The following CADM2 variants were observed in gnomAD, a reference collection of about 807,000 sequenced individuals.
The protein encoded by CADM2 is immunoglobulin superfamily member 4D.
CADM2 carries 12 observed loss-of-function variants against 49.8 expected under a neutral mutation model. That is an observed-to-expected ratio of 0.24 (90% CI 0.15 to 0.39). The LOEUF is 0.39. Ranked by LOEUF, CADM2 falls within the 10% of genes least tolerant of loss-of-function variation. The pLI is 1.00. For missense variants in CADM2, 378 were observed against 492.3 expected, an observed-to-expected ratio of 0.77 and a Z score of 2.20; for synonymous variants, 214 against 175.4, an observed-to-expected ratio of 1.22 and a Z score of -1.74.
At chr3:85,072,294 C>T (rs2036779112) in intron 1 of CADM2, among the ~76,000 whole-genome samples, 1 of 151,900 alleles carries the variant, frequency 6.6e-6, no homozygotes, top group Admixed American at 6.6e-5. Context: ...TGTTTTGTGT[C>T]CTTTGGTTTG....
intron 1 of CADM2, among the ~76,000 whole-genome samples, chr3:85,315,361 T>C (rs941204950): frequency 5.9e-5 from 9 of 152,180 alleles, no homozygotes; most frequent in Non-Finnish European, 8.8e-5. Flanking sequence ...CTAAATAAGG[T>C]CATATTCTTA....
chr3:85,718,887 TA>T (rs2067396804), intron 1 of CADM2, among the ~76,000 whole-genome samples: 1 of 65,320 alleles, frequency 1.5e-5, no homozygotes, highest in Middle Eastern at 7.6e-3. Context: ...GGTATTTTAT[TA>T]TTATTATTAT....
At chr3:85,458,874 G>T (rs894864160) in intron 1 of CADM2, among the ~76,000 whole-genome samples, 6 of 152,282 alleles carry the variant, frequency 3.9e-5, no homozygotes, top group Admixed American at 6.5e-5. Context: ...GTATTAAAAG[G>T]AAGGCAATCT....
chr3:86,021,231 C>T (rs1423990849), intron 8 of CADM2, among the ~76,000 whole-genome samples: 1 of 152,130 alleles, frequency 6.6e-6, no homozygotes, highest in African/African-American at 2.4e-5. Flanking sequence ...AACTCCTGAC[C>T]TCAAGTGATT....
intron 8 of CADM2, among the ~76,000 whole-genome samples, chr3:86,065,399 A>G (rs1739188667): frequency 6.6e-6 from 1 of 152,230 alleles, no homozygotes; most frequent in Non-Finnish European, 1.5e-5. Context: ...TGTAAGCTCA[A>G]TGGCAATAGT....
At chr3:85,527,781 C>A (rs1459119526) in intron 1 of CADM2, among the ~76,000 whole-genome samples, 3 of 152,172 alleles carry the variant, frequency 2.0e-5, no homozygotes, top group Non-Finnish European at 4.4e-5. Context: ...CTCTTAAAAT[C>A]ACATCCTGCT....
intron 3 of CADM2, among the ~76,000 whole-genome samples, chr3:85,842,052 T>A (rs1307556995): frequency 6.6e-5 from 10 of 152,130 alleles, no homozygotes; most frequent in Non-Finnish European, 1.0e-4. Flanking sequence ...TTTAAAAAAA[T>A]TATTTGCTTT....
intron 1 of CADM2, among the ~76,000 whole-genome samples, chr3:85,572,882 C>T (rs753218957): frequency 5.3e-5 from 8 of 152,156 alleles, no homozygotes; most frequent in Non-Finnish European, 8.8e-5. Context: ...ACCTTTATCT[C>T]CTCTGGAAAC....
Position 85,262,082 on chromosome 3 carries a change from G to A in CADM2, c.61+302414G>A, listed in dbSNP as rs147579283. 8.9e-3 allele frequency among the ~76,000 whole-genome samples: 1,351 copies of A among 152,036 alleles called. 18 individuals are homozygous for A. Among genetic ancestry groups the A allele is most frequent in the East Asian group, 0.081 (420 of 5,160 alleles). ...GGTAACTTAAGGAACTTCTGAAAAT[G>A]TTATGTCCAAAATGTCTGCAATTAT... On this transcript the variant is annotated intron_variant, in intron 1 of 9. Coordinates refer to ENST00000383699, the MANE Select transcript of CADM2 (RefSeq NM_001167675.2).
intron 2 of CADM2, among the ~76,000 whole-genome samples, chr3:85,760,444 A>T (rs899429673): frequency 4.6e-5 from 7 of 152,074 alleles, no homozygotes; most frequent in African/African-American, 1.7e-4. Flanking sequence ...TTGGACTTAC[A>T]TGTAAAGGAA....
intron 1 of CADM2, among the ~76,000 whole-genome samples, chr3:85,713,505 A>G (rs2067187075): frequency 6.6e-6 from 1 of 152,148 alleles, no homozygotes; most frequent in Admixed American, 6.5e-5. Flanking sequence ...ATATAGAAAC[A>G]TGAAATAGAA....
chr3:85,455,558 G>A (rs904481083), intron 1 of CADM2, among the ~76,000 whole-genome samples: 18 of 152,150 alleles, frequency 1.2e-4, no homozygotes, highest in African/African-American at 3.6e-4. Context: ...AAAAATATGC[G>A]AAGAAAGACT....
At chr3:85,459,612 T>A (rs1400525330) in intron 1 of CADM2, among the ~76,000 whole-genome samples, 1 of 152,260 alleles carries the variant, frequency 6.6e-6, no homozygotes, top group Non-Finnish European at 1.5e-5. Flanking sequence ...TTAAGACTAT[T>A]AGATTCAATA....
intron 1 of CADM2, among the ~76,000 whole-genome samples, chr3:85,390,006 C>T (rs1483923607): frequency 6.6e-6 from 1 of 151,818 alleles, no homozygotes; most frequent in Non-Finnish European, 1.5e-5. Flanking sequence ...CATGAAGCCA[C>T]AATCGGCATA....
intron 1 of CADM2, among the ~76,000 whole-genome samples, chr3:85,148,733 T>A (rs2039827642): frequency 6.6e-6 from 1 of 152,200 alleles, no homozygotes; most frequent in Admixed American, 6.5e-5. Flanking sequence ...TATTATATAA[T>A]GTATTCTCAC....
intron 8 of CADM2, among the ~76,000 whole-genome samples, chr3:86,024,666 C>A (rs1325774512): frequency 1.3e-5 from 2 of 152,042 alleles, no homozygotes; most frequent in African/African-American, 4.8e-5. Flanking sequence ...CAGATACCAG[C>A]AAAACTTTTA....
intron 2 of CADM2, among the ~76,000 whole-genome samples, chr3:85,789,765 C>A (rs1388479853): frequency 6.6e-6 from 1 of 151,948 alleles, no homozygotes; most frequent in Non-Finnish European, 1.5e-5. Flanking sequence ...TTACAAAAAT[C>A]TATTTTTGTT....
intron 1 of CADM2, among the ~76,000 whole-genome samples, chr3:85,411,295 A>G (rs2035645411): frequency 6.6e-6 from 1 of 152,226 alleles, no homozygotes; most frequent in South Asian, 2.1e-4. Flanking sequence ...ACTGAGCTGC[A>G]GTAGCATTCA....
chr3:85,662,010 A>C (rs1476603565), intron 1 of CADM2, among the ~76,000 whole-genome samples: 2 of 152,034 alleles, frequency 1.3e-5, no homozygotes, highest in African/African-American at 4.8e-5. Context: ...TTAATTCAAA[A>C]AAGATTTAAT....
Sources: allele counts gnomAD v4.1 joint callset (sites outside exome capture counted in the v4.1 genomes callset), GRCh38; gene constraint gnomAD v4.1.1; transcripts MANE v1.5; gene names NCBI Gene and HGNC (gene_info 2026-07-23, HGNC 2026-07-21).